Variants in EVI5 observed in about 807,000 individuals in gnomAD.
EVI5 encodes ecotropic viral integration site 5.
A neutral mutation model predicts 112.0 loss-of-function variants in EVI5; 73 were observed. The ratio of observed to expected loss-of-function variants is 0.65; its 90% CI spans 0.54 to 0.79. The LOEUF (loss-of-function observed/expected upper bound fraction) is 0.79, where lower values mean the gene tolerates loss of function less well. Among genes scored for constraint, EVI5 ranks in the 30% least tolerant of loss-of-function variants. The pLI is 0.00. For synonymous variants in EVI5, 305 were observed against 319.9 expected (o/e 0.95, Z 0.50); for missense variants, 900 against 968.8 (o/e 0.93, Z 0.94).
intron 1 of EVI5, among the ~76,000 whole-genome samples, chr1:92,755,518 C>T (rs924450976): frequency 1.2e-4 from 18 of 152,216 alleles, no homozygotes; most frequent in Admixed American, 1.3e-4. Flanking sequence ...TTCATTCATA[C>T]AGCTGTTTAG....
intron 1 of EVI5, among the ~76,000 whole-genome samples, chr1:92,750,782 C>A (rs1680056746): frequency 6.6e-6 from 1 of 152,134 alleles, no homozygotes; most frequent in Non-Finnish European, 1.5e-5. Flanking sequence ...GTTCTTTCCC[C>A]ATCATCCATA....
At chr1:92,713,678 G>A (rs1673176280) in intron 2 of EVI5, among the ~76,000 whole-genome samples, 1 of 152,060 alleles carries the variant, frequency 6.6e-6, no homozygotes, top group Non-Finnish European at 1.5e-5. Flanking sequence ...TTGGGAGGCT[G>A]GGGTCAGAGA....
intron 16 of EVI5, among the ~76,000 whole-genome samples, chr1:92,614,389 ATC>A (rs1232912868): frequency 1.3e-5 from 2 of 152,196 alleles, no homozygotes; most frequent in Admixed American, 1.3e-4. Flanking sequence ...TGTTAAAAAT[ATC>A]TGTGATGGTT....
chr1:92,778,828 C>T (rs970371022), intron 1 of EVI5, among the ~76,000 whole-genome samples: 6 of 152,180 alleles, frequency 3.9e-5, no homozygotes, highest in Non-Finnish European at 7.3e-5. Flanking sequence ...TTTTGCCATG[C>T]TCTACATCTT....
intron 18 of EVI5, among the ~76,000 whole-genome samples, chr1:92,594,883 G>T (rs981408692): frequency 6.6e-6 from 1 of 152,148 alleles, no homozygotes; most frequent in African/African-American, 2.4e-5. Context: ...TCTCACACCA[G>T]TTAGAATGGT....
intron 9 of EVI5, among the ~76,000 whole-genome samples, chr1:92,681,843 A>G (rs1667640263): frequency 6.6e-6 from 1 of 152,224 alleles, no homozygotes; most frequent in Admixed American, 6.5e-5. Flanking sequence ...TATTTAGACT[A>G]GATAGTCACA....
chr1:92,569,926 G>C (rs962691675), intron 18 of EVI5, among the ~76,000 whole-genome samples: 2 of 138,610 alleles, frequency 1.4e-5, no homozygotes, highest in Non-Finnish European at 3.1e-5. Flanking sequence ...ATATAAGAAA[G>C]ATAAACTCAC....
intron 19 of EVI5, among the ~76,000 whole-genome samples, chr1:92,555,433 T>C (rs1231845689): frequency 1.3e-5 from 2 of 152,216 alleles, no homozygotes; most frequent in African/African-American, 4.8e-5. Context: ...TAGACTATTG[T>C]TATCAATGAA....
intron 2 of EVI5, among the ~76,000 whole-genome samples, chr1:92,713,076 C>A (rs1673080999): frequency 6.6e-6 from 1 of 151,932 alleles, no homozygotes. Flanking sequence ...GAGTGAGCCA[C>A]CAGGCCCAGC....
At chr1:92,647,500 C>T (rs892464969) in intron 13 of EVI5, 15 of 495,750 alleles carry the variant, frequency 3.0e-5, no homozygotes, top group Non-Finnish European at 5.2e-5. Context: ...CACTGTCTTC[C>T]ACCTCTCAGA....
chr1:92,634,373 C>T (rs539009229), intron 14 of EVI5, among the ~76,000 whole-genome samples: 85 of 152,218 alleles, frequency 5.6e-4, no homozygotes, highest in African/African-American at 1.4e-3. Context: ...AGACTTTTTT[C>T]GTTTCTTTTT....
chr1:92,630,080 G>A (rs1571983267), intron 14 of EVI5, among the ~76,000 whole-genome samples: 1 of 152,250 alleles, frequency 6.6e-6, no homozygotes, highest in South Asian at 2.1e-4. Context: ...TTGGACATTT[G>A]GATTGGTTCC....
intron 13 of EVI5, among the ~76,000 whole-genome samples, chr1:92,643,379 A>G (rs1660358484): frequency 6.7e-6 from 1 of 149,292 alleles, no homozygotes; most frequent in Non-Finnish European, 1.5e-5. Context: ...TGATCACTCA[A>G]GTGATCCTCC....
upstream of EVI5, among the ~76,000 whole-genome samples, chr1:92,789,159 G>A (rs139925444): frequency 5.9e-5 from 9 of 151,980 alleles, no homozygotes; most frequent in Admixed American, 2.0e-4. Flanking sequence ...CTACTAGATC[G>A]AGAGCTTCAC....
At chr1:92,549,732 A>G (rs1666454001) in intron 19 of EVI5, among the ~76,000 whole-genome samples, 2 of 152,266 alleles carry the variant, frequency 1.3e-5, no homozygotes, top group African/African-American at 2.4e-5. Flanking sequence ...TATGCAGCCA[A>G]CAGACACATG....
chr1:92,623,952 T>C (rs1557925486), intron 16 of EVI5, among the ~76,000 whole-genome samples: 1 of 152,342 alleles, frequency 6.6e-6, no homozygotes, highest in South Asian at 2.1e-4. Flanking sequence ...AAAAGTCAAA[T>C]AAAATTTGAC....
intron 1 of EVI5, among the ~76,000 whole-genome samples, chr1:92,782,189 G>T (rs1684952399): frequency 6.7e-6 from 1 of 150,164 alleles, no homozygotes; most frequent in South Asian, 2.1e-4. Context: ...AACCCGGGAG[G>T]CGAGGGTGCA....
intron 1 of EVI5, among the ~76,000 whole-genome samples, chr1:92,791,699 C>T (rs535197241): frequency 3.5e-4 from 53 of 151,592 alleles, no homozygotes; most frequent in African/African-American, 1.2e-3. Context: ...TAATTAAAGC[C>T]AGGTACAAAC....
chr1:92,792,185 TC>T (rs2103167103), intron 1 of EVI5, among the ~76,000 whole-genome samples: 1 of 152,330 alleles, frequency 6.6e-6, no homozygotes, highest in East Asian at 1.9e-4. Context: ...GAGATAACAG[TC>T]TTAAAATAAA....
Sources: allele counts gnomAD v4.1 joint callset (sites outside exome capture counted in the v4.1 genomes callset), GRCh38; gene constraint gnomAD v4.1.1; transcripts MANE v1.5; gene names NCBI Gene and HGNC (gene_info 2026-07-23, HGNC 2026-07-21).